The following XKR6 variants were observed in gnomAD, a reference collection of about 807,000 sequenced individuals.
The protein encoded by XKR6 is XK related 6.
XKR6 carries 22 observed loss-of-function variants against 56.7 expected under a neutral mutation model. The observed-to-expected ratio is 0.39, with a 90% confidence interval of 0.28 to 0.55. The LOEUF (loss-of-function observed/expected upper bound fraction) is 0.55. Among genes scored for constraint, XKR6 ranks in the 20% least tolerant of loss-of-function variants. The pLI, the probability that XKR6 is intolerant of heterozygous loss-of-function variation, is 0.66. For missense variants in XKR6, 852 were observed against 889.0 expected, an observed-to-expected ratio of 0.96 and a Z score of 0.53; for synonymous variants, 524 against 387.8, an observed-to-expected ratio of 1.35 and a Z score of -4.13.
At chr8:10,978,869 A>G (rs2129136610) in intron 1 of XKR6, among the ~76,000 whole-genome samples, 1 of 152,242 alleles carries the variant, frequency 6.6e-6, no homozygotes, top group African/African-American at 2.4e-5. Context: ...GGGCAGGGCC[A>G]CATTGCTTAG....
At chr8:11,030,747 C>T (rs1798974621) in intron 1 of XKR6, among the ~76,000 whole-genome samples, 1 of 152,136 alleles carries the variant, frequency 6.6e-6, no homozygotes, top group African/African-American at 2.4e-5. Context: ...GCCAGCCAGC[C>T]AGCCAGTCTC....
intron 1 of XKR6, among the ~76,000 whole-genome samples, chr8:11,080,836 C>G (rs924236698): frequency 6.6e-6 from 1 of 152,256 alleles, no homozygotes; most frequent in African/African-American, 2.4e-5. Context: ...TCTCTGGGCA[C>G]TGTTTGCCGG....
intron 1 of XKR6, among the ~76,000 whole-genome samples, chr8:11,099,129 G>T (rs1469065521): frequency 6.6e-6 from 1 of 152,152 alleles, no homozygotes; most frequent in East Asian, 1.9e-4. Flanking sequence ...CCTGGGAAGA[G>T]GCAGGCACCC....
At chr8:10,973,484 T>A (rs1177243267) in intron 1 of XKR6, among the ~76,000 whole-genome samples, 1 of 152,200 alleles carries the variant, frequency 6.6e-6, no homozygotes, top group African/African-American at 2.4e-5. Context: ...CCAACCACCC[T>A]CTGAAACCTA....
At chr8:10,957,924 T>TAA (rs35987493) in intron 1 of XKR6, among the ~76,000 whole-genome samples, 22,417 of 148,268 alleles carry the variant, frequency 0.15, 2,449 homozygotes, top group African/African-American at 0.32. Context: ...ATCAAAGTGT[T>TAA]AAAAAAAAAA....
chr8:11,054,389 C>T (rs2129161154), intron 1 of XKR6, among the ~76,000 whole-genome samples: 1 of 152,352 alleles, frequency 6.6e-6, no homozygotes, highest in South Asian at 2.1e-4. Flanking sequence ...GTGCCCTGTA[C>T]AAGAAATCTG....
At chr8:10,977,738 G>C (rs1339281967) in intron 1 of XKR6, among the ~76,000 whole-genome samples, 3 of 151,096 alleles carry the variant, frequency 2.0e-5, no homozygotes, top group Non-Finnish European at 4.4e-5. Context: ...AGAAGTTTTG[G>C]AATCAGGCAG....
In XKR6 at chr8:10,898,620, T is replaced by A. The variant is rs1586279311; in HGVS notation, c.1258A>T (p.Met420Leu). ...MSKWEEILFN[M>L]VVGIVYIFCW... is the part of the protein sequence containing the mutation. ...AAAATGTACACGATCCCTACCACCA[T>A]GTTGAAGAGGATCTCCTCCCACTTG... The change falls in exon 3 of 3, where the codon ATG (methionine) becomes TTG (leucine). Residue 420 changes from methionine to leucine, a missense_variant. This residue lies in a region of XKR6 where 199 missense variants were observed against 280.4 expected (regional missense o/e 0.71). Transcript: ENST00000416569. The surrounding 1 kb of genome is among the most constrained non-coding windows in gnomAD (Gnocchi z 6.6). The A allele has an allele frequency of 1.9e-6, 3 of 1,614,072 alleles. No homozygotes were observed. The Admixed American group carries it at 5.0e-5, about 27-fold the overall frequency.
intron 2 of XKR6, among the ~76,000 whole-genome samples, chr8:10,903,505 GT>G (rs369844305): frequency 5.9e-4 from 90 of 152,222 alleles, no homozygotes; most frequent in African/African-American, 2.0e-3. Context: ...GCTAAGTTGT[GT>G]CCCCCCCACA....
chr8:11,036,495 A>C (rs1308268985), intron 1 of XKR6, among the ~76,000 whole-genome samples: 1 of 152,226 alleles, frequency 6.6e-6, no homozygotes, highest in East Asian at 1.9e-4. Context: ...AGGAATGCAC[A>C]TTCTTAGGCC....
At chr8:10,964,308 T>C (rs1368070635) in intron 1 of XKR6, among the ~76,000 whole-genome samples, 2 of 152,174 alleles carry the variant, frequency 1.3e-5, no homozygotes, top group South Asian at 2.1e-4. Flanking sequence ...CTAGGACACC[T>C]GTTTGCTCAG....
chr8:10,903,134 C>T (rs773078912), intron 2 of XKR6, among the ~76,000 whole-genome samples: 4 of 152,180 alleles, frequency 2.6e-5, no homozygotes, highest in Non-Finnish European at 5.9e-5. Flanking sequence ...ATGTCTTCAG[C>T]CTGCCCCCCA....
At chr8:10,909,463 T>C (rs1191811576) in intron 2 of XKR6, among the ~76,000 whole-genome samples, 1 of 152,176 alleles carries the variant, frequency 6.6e-6, no homozygotes, top group Non-Finnish European at 1.5e-5. Flanking sequence ...CTGCTTTTGG[T>C]TTTTTATTTC....
intron 1 of XKR6, among the ~76,000 whole-genome samples, chr8:11,119,805 G>T (rs191411634): frequency 4.5e-4 from 69 of 152,126 alleles, no homozygotes; most frequent in Non-Finnish European, 8.4e-4. Context: ...CTGGCAAACC[G>T]AATCCAGCAG....
intron 2 of XKR6, among the ~76,000 whole-genome samples, chr8:10,916,256 T>C (rs1425424874): frequency 6.6e-6 from 1 of 152,224 alleles, no homozygotes; most frequent in Non-Finnish European, 1.5e-5. Context: ...CCTAAGGAAA[T>C]GGAATGGAAA....
At chr8:10,966,489 T>C (rs1025622748) in intron 1 of XKR6, among the ~76,000 whole-genome samples, 1 of 151,986 alleles carries the variant, frequency 6.6e-6, no homozygotes, top group East Asian at 1.9e-4. Context: ...CTAGCCAACA[T>C]GGTGAAACCC....
intron 1 of XKR6, among the ~76,000 whole-genome samples, chr8:11,094,069 C>A (rs2129173858): frequency 6.9e-6 from 1 of 145,664 alleles, no homozygotes; most frequent in African/African-American, 2.7e-5. Flanking sequence ...CAGGCGTGAG[C>A]CACCGCGCCC....
intron 1 of XKR6, among the ~76,000 whole-genome samples, chr8:11,099,989 C>T (rs921093905): frequency 1.3e-5 from 2 of 152,120 alleles, no homozygotes; most frequent in African/African-American, 2.4e-5. Context: ...GGCACCCTAG[C>T]GGGTTGGGCG....
At chr8:11,065,410 A>G (rs544399549) in intron 1 of XKR6, among the ~76,000 whole-genome samples, 1 of 152,322 alleles carries the variant, frequency 6.6e-6, no homozygotes, top group South Asian at 2.1e-4. Flanking sequence ...TGGCTTCGTC[A>G]TATGACCCAG....
Sources: allele counts gnomAD v4.1 joint callset (sites outside exome capture counted in the v4.1 genomes callset), GRCh38; gene constraint gnomAD v4.1.1; regional missense constraint gnomAD v4.1.1; non-coding constraint Gnocchi (gnomAD v3.1); transcripts MANE v1.5; gene names NCBI Gene and HGNC (gene_info 2026-07-23, HGNC 2026-07-21).